Variants in GPR108 observed in about 807,000 individuals in gnomAD.
GPR108 encodes G protein-coupled receptor 108.
A neutral mutation model predicts 74.3 loss-of-function variants in GPR108; 60 were observed. The ratio of observed to expected loss-of-function variants is 0.81; its 90% CI spans 0.66 to 1.00. GPR108 has a LOEUF of 1.00. Ranked by LOEUF, GPR108 falls within the 50% of genes least tolerant of loss-of-function variation. GPR108 has a pLI of 0.00. For synonymous variants in GPR108, 311 were observed against 292.4 expected, an observed-to-expected ratio of 1.06 and a Z score of -0.65; for missense variants, 667 against 703.3, an observed-to-expected ratio of 0.95 and a Z score of 0.58.
At chr19:6,730,686 C>A in intron 17 of GPR108, 2 of 560,258 alleles carry the variant, frequency 3.6e-6, no homozygotes, top group South Asian at 2.0e-5. Flanking sequence ...CCGTTCTACC[C>A]GAACTACCTA....
At chr19:6,736,410 C>G (rs1968636739) in intron 2 of GPR108, among the ~76,000 whole-genome samples, 182 bp downstream of exon 2, 1 of 152,164 alleles carries the variant, frequency 6.6e-6, no homozygotes, top group Non-Finnish European at 1.5e-5. Flanking sequence ...TCCCCCAAGT[C>G]TTAAGAAAAG....
rs781301834 is a variant in GPR108 at position 6,733,264 on chromosome 19, G to A, written c.761C>T (p.Ser254Leu). The change falls in exon 9 of 18, where the codon TCG (serine) becomes TTG (leucine). Residue 254 changes from serine (S) to leucine (L), a missense_variant. Coordinates refer to ENST00000264080, the MANE Select transcript of GPR108 (RefSeq NM_001080452.2). ...CTTGAAAAGGGGCATCTCCGCTGCC[G>A]ACAGGAAGCCATCGGGGTTCTTCTC... ...IREKNPDGFL[S>L]AAEMPLFKLY... is the part of the protein sequence containing the mutation. 8.7e-6 allele frequency: 14 copies of A among 1,613,794 alleles called. No homozygotes were observed. The highest frequency in any genetic ancestry group is 1.3e-5 in the African/African-American group (1 of 74,934).
chr19:6,732,877 A>C (rs1452286047), intron 10 of GPR108, 110 bp downstream of exon 10: 1 of 940,152 alleles, frequency 1.1e-6, no homozygotes, highest in Non-Finnish European at 1.6e-6. Context: ...GGACACGTGG[A>C]TAGCTGGCGG....
chr19:6,737,290 C>T (rs765953484), intron 1 of GPR108, 167 bp downstream of exon 1: 5 of 890,610 alleles, frequency 5.6e-6, no homozygotes, highest in Non-Finnish European at 8.0e-6. Context: ...TCCGGAGGAC[C>T]GAAGGGGATC....
At position 6,732,123 on chromosome 19, in the gene GPR108, C is replaced by T; in HGVS notation, c.1158G>A (p.Glu386=). The change falls in exon 13 of 18, where the codon GAG becomes GAA. Residue 386 remains glutamate (E), a synonymous_variant. Coordinates refer to ENST00000264080, the MANE Select transcript of GPR108 (RefSeq NM_001080452.2). The part of the protein sequence containing the change: ...VLANVAYIII[E]SREEGASDYV... Reference sequence around the variant, plus strand: ...AGTCGCTGGCGCCTTCCTCGCGGGACTCGATGATGATGTAGGCCACGTTGG... The same window carrying T: ...AGTCGCTGGCGCCTTCCTCGCGGGATTCGATGATGATGTAGGCCACGTTGG... The T allele has an allele frequency of 6.2e-7, 1 of 1,613,836 alleles. No homozygotes were observed. The highest frequency in any genetic ancestry group is 8.5e-7 in the Non-Finnish European group (1 of 1,180,008).
At chr19:6,733,447 G>C in intron 8 of GPR108, 123 bp downstream of exon 8, 2 of 1,290,720 alleles carry the variant, frequency 1.5e-6, no homozygotes, top group African/African-American at 1.5e-5. Flanking sequence ...CTCTCAAATG[G>C]GTATAACAGC....
intron 7 of GPR108, 32 bp downstream of exon 7, chr19:6,733,813 A>T (rs752430356): frequency 6.2e-7 from 1 of 1,612,556 alleles, no homozygotes. Flanking sequence ...CTCTGGGGTG[A>T]CGGAAGGGCC....
rs1274881485 is a variant in GPR108, at chr19:6,737,443, G to A, written c.120+14C>T. 3.2e-6 allele frequency: 5 copies of A among 1,584,864 alleles called. No homozygotes were observed. The Admixed American group carries it at 6.8e-5, about 22-fold the overall frequency. ...TGCGCCACCGACCCCAGACCCTCGC[G>A]CGGCGGGCCTCACCGTCAGCGCCAG... On this transcript the variant is annotated intron_variant, in intron 1 of 17. Coordinates refer to ENST00000264080, the MANE Select transcript of GPR108 (RefSeq NM_001080452.2).
chr19:6,736,340 T>C (rs1457141869), intron 2 of GPR108, among the ~76,000 whole-genome samples: 1 of 152,136 alleles, frequency 6.6e-6, no homozygotes, highest in Non-Finnish European at 1.5e-5. Flanking sequence ...CAGGCAATCC[T>C]CCCACCTTGG....
At chr19:6,736,820 A>G (rs759396221) in intron 1 of GPR108, 109 bp from the exon 2 acceptor site, 9 of 1,469,036 alleles carry the variant, frequency 6.1e-6, no homozygotes, top group Non-Finnish European at 8.4e-6. Context: ...CCCTCTATTT[A>G]GGACAGGCCC....
rs1230947168 is a variant in GPR108, at chr19:6,730,555, C to A, written c.1560-171G>T. ...CACCCACCTCGCTCCCACAGCAGCG[C>A]AGGCCCTACCCTTCTACTCCAACCA... is the stretch of plus-strand genomic sequence containing the variant. On this transcript the variant is annotated intron_variant, in intron 17 of 17. Transcript: ENST00000264080. The A allele has an allele frequency of 1.0e-4, 66 of 635,974 alleles. No individual in the cohort carries two copies. The Admixed American group carries it at 1.6e-3, about 15-fold the overall frequency. The allele number at this position is 635,974 out of a possible 1,614,324, so 39.4% of individuals were successfully genotyped here. A position where few individuals can be genotyped will look rare whatever the true frequency, so the allele number is the denominator to read the frequency against.
chr19:6,732,012 G>A lies in GPR108; in HGVS notation c.1256+13C>T, dbSNP rs751290817. On this transcript the variant is annotated intron_variant, in intron 13 of 17. Coordinates refer to ENST00000264080, the MANE Select transcript of GPR108 (RefSeq NM_001080452.2). The stretch of plus-strand genomic sequence containing the variant: ...CACAGGGCAGAGCCTCAGCCCGGGG[G>A]CAGGGTCCTCACCAGACTACGGGGA... 1.9e-6 allele frequency: 3 copies of A among 1,613,748 alleles called. No homozygotes were observed. The highest frequency in any genetic ancestry group is 8.5e-7 in the Non-Finnish European group (1 of 1,179,966).
chr19:6,736,769 AG>A (rs774791483), intron 1 of GPR108, 58 bp from the exon 2 acceptor site: 7 of 1,610,810 alleles, frequency 4.3e-6, no homozygotes. Context: ...GCCCAGCCCC[AG>A]GGGTCTGGCA....
At chr19:6,733,715 C>G in intron 7 of GPR108, 41 bp from the exon 8 acceptor site, 1 of 1,598,164 alleles carries the variant, frequency 6.3e-7, no homozygotes, top group Non-Finnish European at 8.6e-7. Flanking sequence ...CCTGGGGGAC[C>G]CGTGGTCTGG....
chr19:6,737,177 A>G, intron 1 of GPR108: 1 of 480,534 alleles, frequency 2.1e-6, no homozygotes, highest in Non-Finnish European at 3.7e-6. Flanking sequence ...AATTTAAAGG[A>G]CTAAGACCCA....
rs1283330648 is a variant in GPR108, at chr19:6,733,884, C to T, written c.579G>A (p.Val193=). The change falls in exon 7 of 18, where the codon GTG becomes GTA. Residue 193 remains valine (V), a synonymous_variant. Coordinates refer to ENST00000264080, the MANE Select transcript of GPR108 (RefSeq NM_001080452.2). Reference sequence around the variant, plus strand: ...AGTTGTTGAGGTGGCTCAGGCCCAACACCAGGTCCTTGTCCTTCCCACTAG... The same window carrying T: ...AGTTGTTGAGGTGGCTCAGGCCCAATACCAGGTCCTTGTCCTTCCCACTAG... ...QGPSGKDKDL[V]LGLSHLNNSY... is the part of the protein sequence containing the mutation. 6.2e-7 allele frequency: 1 copy of T among 1,614,168 alleles called. No homozygotes were observed. The highest frequency in any genetic ancestry group is 8.5e-7 in the Non-Finnish European group (1 of 1,179,998).
At chr19:6,735,561 G>C in intron 4 of GPR108, 61 bp downstream of exon 4, 1 of 1,400,554 alleles carries the variant, frequency 7.1e-7, no homozygotes, top group Non-Finnish European at 1.0e-6. Context: ...AGGTGCGTGT[G>C]GGCATCACAC....
rs1402454062 is a variant in GPR108, at chr19:6,732,995, AGAG to A, written c.922_924del (p.Leu308del). 3 of 1,599,588 alleles carry A rather than the reference AGAG, an allele frequency of 1.9e-6. No homozygotes were observed. The highest frequency in any genetic ancestry group is 2.6e-6 in the Non-Finnish European group (3 of 1,173,464). ...CGGTCCAAGGCTCTCACGCTGTGGA[AGAG>A]GAGAGAGATGCTCTTGGTGAAGGCC... On this transcript the variant is annotated inframe_deletion, in exon 10 of 18. Coordinates refer to ENST00000264080, the MANE Select transcript of GPR108 (RefSeq NM_001080452.2).
intron 8 of GPR108, 69 bp from the exon 9 acceptor site, chr19:6,733,370 T>C: frequency 6.7e-7 from 1 of 1,502,334 alleles, no homozygotes; most frequent in South Asian, 1.2e-5. Context: ...GAGCAGCGAG[T>C]GGGGGTCTCC....
Sources: allele counts gnomAD v4.1 joint callset (sites outside exome capture counted in the v4.1 genomes callset), GRCh38; gene constraint gnomAD v4.1.1; transcripts MANE v1.5; gene names NCBI Gene and HGNC (gene_info 2026-07-23, HGNC 2026-07-21).